Variants in MTMR10 observed in about 807,000 individuals in gnomAD.
MTMR10 encodes myotubularin-related protein 10.
In MTMR10, 56 loss-of-function variants were observed where a neutral mutation model predicts 88.1. The ratio of observed to expected loss-of-function variants is 0.64; its 90% CI spans 0.51 to 0.79. The LOEUF is 0.79. Ranked by LOEUF, MTMR10 falls within the 30% of genes least tolerant of loss-of-function variation. The pLI is 0.00. For missense variants in MTMR10, 883 were observed against 924.7 expected, an observed-to-expected ratio of 0.95 and a Z score of 0.58; for synonymous variants, 380 against 340.9, an observed-to-expected ratio of 1.11 and a Z score of -1.26.
chr15:30,941,097 C>T lies in MTMR10; in HGVS notation c.*373G>A, dbSNP rs148053346. On this transcript the variant is annotated 3_prime_UTR_variant, in exon 16 of 16. Coordinates refer to ENST00000435680, the MANE Select transcript of MTMR10 (RefSeq NM_017762.3). ...TTATCAGATGCTCCTAAAAATGACA[C>T]GAAACACAAATTTCCTAACTTTCCT... The T allele has an allele frequency of 1.6e-3, 1,971 of 1,227,266 alleles. 2 individuals are homozygous for T. Among genetic ancestry groups the T allele is most frequent in the Non-Finnish European group, 1.9e-3 (1,871 of 962,652 alleles). The allele number at this position is 1,227,266 out of a possible 1,614,324, so 76.0% of individuals were successfully genotyped here.
the MTMR10 span, among the ~76,000 whole-genome samples, chr15:30,929,923 TATATA>T: frequency 1.6e-4 from 6 of 38,442 alleles, no homozygotes; most frequent in Non-Finnish European, 3.1e-4. Context: ...ATATATATCA[TATATA>T]ATATATAAAA....
At chr15:30,938,793 G>A (rs138301609), downstream of MTMR10, 150 of 491,126 alleles carry the variant, frequency 3.1e-4, 1 homozygote, top group African/African-American at 3.0e-3. Context: ...CCGAATTGCT[G>A]TTAAAAAAAG....
Position 30,977,096 on chromosome 15 carries a change from T to C in MTMR10, c.122-141A>G. 4 of 758,820 alleles carry C rather than the reference T, an allele frequency of 5.3e-6. No homozygotes were observed. In the East Asian group the frequency reaches 1.1e-4, roughly 20 times the overall value. The allele number at this position is 758,820 out of a possible 1,614,324, so 47.0% of individuals were successfully genotyped here. A position where few individuals can be genotyped will look rare whatever the true frequency, so the allele number is the denominator to read the frequency against. ...CAATTGCCCACCAGGTGCCAGGCAC[T>C]GTATGGTCATAAAGTGAATAGTAAT... On this transcript the variant is annotated intron_variant, in intron 2 of 15. Coordinates refer to ENST00000435680, the MANE Select transcript of MTMR10 (RefSeq NM_017762.3).
chr15:30,928,327 T>C, the MTMR10 span: 1 of 1,299,334 alleles, frequency 7.7e-7, no homozygotes, highest in Non-Finnish European at 9.7e-7. Context: ...AATTTTTCTA[T>C]GATTACTAAG....
the MTMR10 span, among the ~76,000 whole-genome samples, chr15:30,930,250 G>A: frequency 1.3e-5 from 2 of 151,738 alleles, no homozygotes; most frequent in Non-Finnish European, 2.9e-5. Flanking sequence ...ATGCTGTCGC[G>A]TTCCTGAGTG....
chr15:30,920,069 A>C, the MTMR10 span, among the ~76,000 whole-genome samples: 2 of 152,152 alleles, frequency 1.3e-5, no homozygotes, highest in Non-Finnish European at 2.9e-5. Flanking sequence ...CACCAACTTT[A>C]CTCTGCTGTT....
At chr15:30,989,741 C>A (rs1007053111) in intron 2 of MTMR10, among the ~76,000 whole-genome samples, 21 of 109,324 alleles carry the variant, frequency 1.9e-4, no homozygotes, top group Admixed American at 1.4e-3. Context: ...CGCCACCATG[C>A]CTGGCTAATT....
intron 5 of MTMR10, chr15:30,968,308 A>G (rs771927615): frequency 2.1e-5 from 5 of 232,976 alleles, no homozygotes; most frequent in Non-Finnish European, 4.1e-5. Flanking sequence ...GCTTCAAACT[A>G]AAGAAGCATT....
intron 2 of MTMR10, among the ~76,000 whole-genome samples, chr15:30,988,747 G>C (rs527942111): frequency 4.5e-4 from 69 of 152,264 alleles, no homozygotes; most frequent in African/African-American, 1.6e-3. Flanking sequence ...CCAGCACTTT[G>C]GGAGGCCAAG....
At chr15:30,948,763 A>G (rs1167829219) in intron 12 of MTMR10, 2 of 441,046 alleles carry the variant, frequency 4.5e-6, no homozygotes, top group South Asian at 2.6e-5. Context: ...ATCCGTCTAG[A>G]CTCCATTCTA....
At position 30,942,948 on chromosome 15, in the gene MTMR10, A is replaced by G. The variant is rs367788723; in HGVS notation, c.1673T>C (p.Ile558Thr). The change falls in exon 15 of 16, where the codon ATT becomes ACT. Residue 558 changes from isoleucine to threonine, a missense_variant. Ile to Thr is a moderately conservative substitution (Grantham distance 89). Around this residue, in one of 3 missense-constraint regions of MTMR10, gnomAD observed 343 missense variants for 323.2 expected, o/e 1.06. Coordinates refer to ENST00000435680, the MANE Select transcript of MTMR10 (RefSeq NM_017762.3). ...CTGTATACAAGGTGTGCTCTTTCCA[A>G]TGTAGAAGGGGTTATGGAAAAGGGT... ...DRTLFHNPFY[I>T]GKSTPCIQNG... 4.5e-6 allele frequency: 7 copies of G among 1,564,446 alleles called. No homozygotes were observed. Among genetic ancestry groups the G allele is most frequent in the Non-Finnish European group, 6.1e-6 (7 of 1,152,376 alleles).
At chr15:30,982,713 A>T (rs138656988) in intron 2 of MTMR10, among the ~76,000 whole-genome samples, 52 of 152,354 alleles carry the variant, frequency 3.4e-4, no homozygotes, top group African/African-American at 1.3e-3. Flanking sequence ...AGTTAGTGAC[A>T]TGAGTTTTAT....
intron 5 of MTMR10, among the ~76,000 whole-genome samples, chr15:30,972,997 A>G (rs1441224269): frequency 2.6e-5 from 4 of 152,176 alleles, no homozygotes; most frequent in African/African-American, 9.7e-5. Context: ...GATGCTACAC[A>G]TCTTAAGGTT....
At chr15:30,922,299 G>A in the MTMR10 span, 14 of 1,614,018 alleles carry the variant, frequency 8.7e-6, no homozygotes, top group South Asian at 1.3e-4. Flanking sequence ...AGCAGAGGCC[G>A]ATGGTGGGAT....
rs1595958228 is a variant in MTMR10 at position 30,991,123 on chromosome 15, C to T, written c.61-286G>A. 11 of 512,250 alleles carry T rather than the reference C, an allele frequency of 2.1e-5. No homozygotes were observed. The East Asian group carries it at 3.4e-4, about 16-fold the overall frequency. 31.7% of individuals were successfully genotyped at this position (512,250 alleles called of 1,614,324 possible). A position where few individuals can be genotyped will look rare whatever the true frequency, so the allele number is the denominator to read the frequency against. ...ACCCCAAGCGCTGCAATCATGCTGG[C>T]GGTCATACGAGGGAGGGTCGATGGG... On this transcript the variant is annotated intron_variant, in intron 1 of 15. Coordinates refer to ENST00000435680, the MANE Select transcript of MTMR10 (RefSeq NM_017762.3).
At chr15:30,929,643 AATATATAAT>A in the MTMR10 span, among the ~76,000 whole-genome samples, 2,507 of 76,620 alleles carry the variant, frequency 0.033, 195 homozygotes, top group African/African-American at 0.1. Context: ...TACAATATAC[AATATATAAT>A]ATAATATATG....
At chr15:30,962,379 CCCAATGGAATATTCTGCTGCATTTAAA>C (rs1371213636) in intron 6 of MTMR10, among the ~76,000 whole-genome samples, 1 of 152,180 alleles carries the variant, frequency 6.6e-6, no homozygotes, top group Non-Finnish European at 1.5e-5. Flanking sequence ...AGCTGGCATC[CCCAATGGAATATTCTGCTGCATTTAAA>C]CCAGCCAGCA....
At chr15:30,958,839 T>C (rs1189662416) in intron 9 of MTMR10, 24 bp downstream of exon 9, 2 of 1,608,580 alleles carry the variant, frequency 1.2e-6, no homozygotes, top group South Asian at 1.1e-5. Context: ...CTATCTAAAG[T>C]GACAATGACC....
chr15:30,967,569 A>C (rs1013114995), intron 6 of MTMR10, among the ~76,000 whole-genome samples: 1 of 152,210 alleles, frequency 6.6e-6, no homozygotes, highest in East Asian at 1.9e-4. Context: ...TATATCTTTT[A>C]GTTTTCTGCC....
Sources: gnomAD v4.1 joint callset for allele counts (sites outside exome capture counted in the v4.1 genomes callset) on GRCh38, gnomAD v4.1.1 for gene constraint, gnomAD v4.1.1 regional missense constraint, MANE v1.5 for transcripts, NCBI Gene and HGNC (gene_info 2026-07-23, HGNC 2026-07-21) for gene names.